Variants in KCNQ2 observed in about 807,000 individuals in gnomAD.
The protein encoded by KCNQ2 is potassium voltage-gated channel subfamily Q member 2, also known as potassium voltage-gated channel subfamily KQT member 2.
In KCNQ2, 14 loss-of-function variants were observed where a neutral mutation model predicts 84.8. That is an observed-to-expected ratio of 0.17 (90% CI 0.11 to 0.26). KCNQ2 has a LOEUF of 0.26. Among genes scored for constraint, KCNQ2 ranks in the 10% least tolerant of loss-of-function variants. KCNQ2 has a pLI of 1.00. For missense variants in KCNQ2, 788 were observed against 1,254.0 expected (o/e 0.63, Z 5.61); for synonymous variants, 599 against 554.1 (o/e 1.08, Z -1.14).
rs796698598 is a variant in KCNQ2, at chr20:63,443,054, G to T, written c.691-523C>A. Among the ~76,000 whole-genome samples, 10 of 3,634 alleles carry T rather than the reference G, an allele frequency of 2.8e-3. No homozygotes were observed. In the East Asian group the frequency reaches 0.048, roughly 17 times the overall value. The allele number at this position is 3,634 out of a possible 152,430, so 2.4% of individuals were successfully genotyped here. A position where few individuals can be genotyped will look rare whatever the true frequency, so the allele number is the denominator to read the frequency against. ...ATCACCACCACCATCACCATCATCA[G>T]CATCACCATCACCATTATCACCACC... On this transcript the variant is annotated intron_variant, in intron 4 of 16. Transcript: ENST00000359125.
At position 63,400,505 on chromosome 20, in the gene KCNQ2, A is replaced by T; in HGVS notation, c.*6139T>A. On this transcript the variant is annotated 3_prime_UTR_variant, in exon 17 of 17. Coordinates refer to ENST00000359125, the MANE Select transcript of KCNQ2 (RefSeq NM_172107.4). The surrounding 1 kb of genome is among the most constrained non-coding windows in gnomAD (Gnocchi z 8.7). The stretch of plus-strand genomic sequence containing the variant: ...GAGATTGAAGTGTGCGGGGTAACAC[A>T]TCCACCAAAAAAAGGCCTGGTCACT... 1 of 397,698 alleles carries T rather than the reference A, an allele frequency of 2.5e-6. No homozygotes were observed. The highest frequency in any genetic ancestry group is 4.4e-6 in the Non-Finnish European group (1 of 225,890). The allele number at this position is 397,698 out of a possible 1,614,324, so 24.6% of individuals were successfully genotyped here. A position where few individuals can be genotyped will look rare whatever the true frequency, so the allele number is the denominator to read the frequency against.
At chr20:63,441,037 G>A (rs1423036409) in intron 5 of KCNQ2, among the ~76,000 whole-genome samples, 1 of 147,310 alleles carries the variant, frequency 6.8e-6, no homozygotes, top group South Asian at 2.3e-4. Flanking sequence ...GCGTGATCCC[G>A]GCTCACTGCA....
rs1266353641 is a variant in KCNQ2 at position 63,460,215 on chromosome 20, C to A, written c.296+11953G>T. On this transcript the variant is annotated intron_variant, in intron 1 of 16. Coordinates refer to ENST00000359125, the MANE Select transcript of KCNQ2 (RefSeq NM_172107.4). The surrounding 1 kb of genome is among the most constrained non-coding windows in gnomAD (Gnocchi z 5.4). The stretch of plus-strand genomic sequence containing the variant: ...GCCTGGGCTCCTGACCCTGCAGGTC[C>A]CTCCCTGGCCTTACCCAAGCCCTTA... 1.3e-5 allele frequency among the ~76,000 whole-genome samples: 2 copies of A among 152,156 alleles called. No individual in the cohort carries two copies. The highest frequency in any genetic ancestry group is 1.3e-4 in the Admixed American group (2 of 15,284).
intron 5 of KCNQ2, among the ~76,000 whole-genome samples, chr20:63,441,551 G>C (rs532895249): frequency 6.6e-6 from 1 of 152,118 alleles, no homozygotes; most frequent in Non-Finnish European, 1.5e-5. Flanking sequence ...AAAAGACCTG[G>C]GGGATGGGCT....
At position 63,472,478 on chromosome 20, in the gene KCNQ2, G is replaced by A; in HGVS notation, c.-15C>T. On this transcript the variant is annotated 5_prime_UTR_variant, in exon 1 of 17. Coordinates refer to ENST00000359125, the MANE Select transcript of KCNQ2 (RefSeq NM_172107.4). ...TTCTGCACCATGGTGCCTGGCGGGA[G>A]GCGCCCCGGGTCGGGCTCAGGCTCA... The A allele has an allele frequency of 6.7e-7, 1 of 1,491,368 alleles. No homozygotes were observed. The highest frequency in any genetic ancestry group is 8.9e-7 in the Non-Finnish European group (1 of 1,126,722). 92.4% of individuals were successfully genotyped at this position (1,491,368 alleles called of 1,614,324 possible). A position where few individuals can be genotyped will look rare whatever the true frequency, so the allele number is the denominator to read the frequency against.
rs1458017506 is a variant in KCNQ2, at chr20:63,461,467, G to A, written c.296+10701C>T. 4.6e-5 allele frequency among the ~76,000 whole-genome samples: 7 copies of A among 152,302 alleles called. No individual in the cohort carries two copies. The South Asian group carries it at 8.3e-4, about 18-fold the overall frequency. The stretch of plus-strand genomic sequence containing the variant: ...CTGCCCAGAGGTGAGCCAAGCCCCT[G>A]ACTCTATGGCCTGGGCGGATGCCAA... On this transcript the variant is annotated intron_variant, in intron 1 of 16. Transcript: ENST00000359125.
rs886056921 is a variant in KCNQ2, at chr20:63,442,536, G to A, written c.691-5C>T. ...GTACCAGGCAGTGACCAGCTCCTGA[G>A]AGGCAGACGGCACCACCATCATGAC... is the stretch of plus-strand genomic sequence containing the variant. On this transcript the variant is annotated splice_region_variant and splice_polypyrimidine_tract_variant and intron_variant, in intron 4 of 16. Coordinates refer to ENST00000359125, the MANE Select transcript of KCNQ2 (RefSeq NM_172107.4). 1.4e-5 allele frequency: 22 copies of A among 1,612,700 alleles called. No homozygotes were observed. Among genetic ancestry groups the A allele is most frequent in the Admixed American group, 3.3e-5 (2 of 59,884 alleles).
chr20:63,414,277 A>G lies in KCNQ2; in HGVS notation c.1526-84T>C, dbSNP rs2080217414. 5 of 1,027,354 alleles carry G rather than the reference A, an allele frequency of 4.9e-6. No homozygotes were observed. In the East Asian group the frequency reaches 1.0e-4, roughly 21 times the overall value. The allele number at this position is 1,027,354 out of a possible 1,614,324, so 63.6% of individuals were successfully genotyped here. A position where few individuals can be genotyped will look rare whatever the true frequency, so the allele number is the denominator to read the frequency against. On this transcript the variant is annotated intron_variant, in intron 13 of 16. Coordinates refer to ENST00000359125, the MANE Select transcript of KCNQ2 (RefSeq NM_172107.4). The surrounding 1 kb of genome is among the most constrained non-coding windows in gnomAD (Gnocchi z 6.6). ...GTCCTGCAGGGCACACCGGCTAGAC[A>G]GAGCGCCAGGGAGCCCCTCGAGGCT...
Position 63,438,779 on chromosome 20 carries a change from G to A in KCNQ2, c.928-59C>T. 2 of 1,506,874 alleles carry A rather than the reference G, an allele frequency of 1.3e-6. No homozygotes were observed. The highest frequency in any genetic ancestry group is 1.8e-6 in the Non-Finnish European group (2 of 1,093,186). 93.3% of individuals were successfully genotyped at this position (1,506,874 alleles called of 1,614,324 possible). A position where few individuals can be genotyped will look rare whatever the true frequency, so the allele number is the denominator to read the frequency against. ...GACCCCCCACACCCCAATTCATCAG[G>A]GTCAGACCATGCTCTGGGGCCCCAC... On this transcript the variant is annotated intron_variant, in intron 6 of 16. Coordinates refer to ENST00000359125, the MANE Select transcript of KCNQ2 (RefSeq NM_172107.4). The surrounding 1 kb of genome is among the most constrained non-coding windows in gnomAD (Gnocchi z 5.1).
chr20:63,454,304 G>A (rs932501021), intron 1 of KCNQ2, among the ~76,000 whole-genome samples: 9 of 152,220 alleles, frequency 5.9e-5, no homozygotes, highest in Admixed American at 1.3e-4. Context: ...AGCCCCACCC[G>A]GAAAGTGCAG....
At chr20:63,411,808 G>A in intron 15 of KCNQ2, 1 of 674,716 alleles carries the variant, frequency 1.5e-6, no homozygotes, top group Non-Finnish European at 2.7e-6. Flanking sequence ...TCTCGGAGGG[G>A]CCGTGGGTCC....
intron 1 of KCNQ2, among the ~76,000 whole-genome samples, chr20:63,464,376 C>T (rs570535622): frequency 6.6e-6 from 1 of 152,108 alleles, no homozygotes; most frequent in African/African-American, 2.4e-5. Flanking sequence ...TTAGCCTCAC[C>T]CACCCCAGCC....
At chr20:63,410,822 G>T (rs2080099420) in intron 15 of KCNQ2, among the ~76,000 whole-genome samples, 1 of 152,164 alleles carries the variant, frequency 6.6e-6, no homozygotes, top group Non-Finnish European at 1.5e-5. Flanking sequence ...ACTGGCATTG[G>T]CTGTACCCAG....
intron 15 of KCNQ2, chr20:63,410,998 G>A: frequency 2.2e-6 from 1 of 456,394 alleles, no homozygotes; most frequent in Non-Finnish European, 4.4e-6. Flanking sequence ...TGGAAAGTCT[G>A]AGTTAATCAC....
At chr20:63,443,102 CCATCACCACCACCACTAT>C (rs1568936208) in intron 4 of KCNQ2, among the ~76,000 whole-genome samples, 2 of 99,062 alleles carry the variant, frequency 2.0e-5, no homozygotes, top group Non-Finnish European at 2.2e-5. Flanking sequence ...ACCACCATCA[CCATCACCACCACCACTAT>C]CACCACCACC....
At chr20:63,431,441 A>G (rs1198553637) in intron 8 of KCNQ2, 72 bp from the exon 9 acceptor site, 1 of 1,511,778 alleles carries the variant, frequency 6.6e-7, no homozygotes, top group Non-Finnish European at 9.2e-7. Context: ...AAGAAAAAGA[A>G]AATGAAACAA....
chr20:63,444,769 T>C lies in KCNQ2; in HGVS notation c.580A>G (p.Thr194Ala). The change falls in exon 4 of 17, where the codon ACA (threonine) becomes GCA (alanine). Residue 194 changes from threonine (T) to alanine (A), a missense_variant. Around this residue, in one of 8 missense-constraint regions of KCNQ2, gnomAD observed 12 missense variants for 50.2 expected, o/e 0.24. Transcript: ENST00000359125. ...AAGSQGNVFATSALRSLRFLQ... is the reference protein window; with the variant it reads ...AAGSQGNVFAASALRSLRFLQ... ...AAGCGCAGGCTCCGGAGCGCAGATG[T>C]GGCAAAGACGTTGCCCTGGGAGCCG... is the stretch of plus-strand genomic sequence containing the variant. 6.2e-7 allele frequency: 1 copy of C among 1,608,320 alleles called. No homozygotes were observed. The highest frequency in any genetic ancestry group is 8.5e-7 in the Non-Finnish European group (1 of 1,178,222).
chr20:63,416,973 G>A (rs1294797095), intron 12 of KCNQ2, among the ~76,000 whole-genome samples: 1 of 152,180 alleles, frequency 6.6e-6, no homozygotes, highest in Non-Finnish European at 1.5e-5. Flanking sequence ...TGGGTGTTGT[G>A]CCCGCTCGGG....
rs1217923377 is a variant in KCNQ2, at chr20:63,438,287, G to A, written c.1023+338C>T. The A allele has an allele frequency of 6.8e-6, 3 of 438,538 alleles. No homozygotes were observed. In the Admixed American group the frequency reaches 1.0e-4, roughly 15 times the overall value. The allele number at this position is 438,538 out of a possible 1,614,324, so 27.2% of individuals were successfully genotyped here. On this transcript the variant is annotated intron_variant, in intron 7 of 16. Transcript: ENST00000359125. This position sits in a 1 kb window ranked among gnomAD's most constrained non-coding sequence, Gnocchi z 5.1. ...GTCAGGCACTGACTCACTGCAGTGT[G>A]TGGGCTCTAGGAGCCTTGGCCCTGC...
Sources: gnomAD v4.1 joint callset for allele counts (sites outside exome capture counted in the v4.1 genomes callset) on GRCh38, gnomAD v4.1.1 for gene constraint, gnomAD v4.1.1 regional missense constraint, Gnocchi (gnomAD v3.1) non-coding constraint, MANE v1.5 for transcripts, NCBI Gene and HGNC (gene_info 2026-07-23, HGNC 2026-07-21) for gene names.